The following HDAC9 variants were observed in gnomAD, a reference collection of about 807,000 sequenced individuals.
The protein encoded by HDAC9 is histone deacetylase 9.
HDAC9 carries 41 observed loss-of-function variants against 139.4 expected under a neutral mutation model. That is an observed-to-expected ratio of 0.29 (90% CI 0.23 to 0.38). The LOEUF is 0.38. Ranked by LOEUF, HDAC9 falls within the 10% of genes least tolerant of loss-of-function variation. The probability of loss-of-function intolerance (pLI) is 1.00; values close to 1 mark genes in which losing one functional copy is unlikely to be tolerated. For missense variants in HDAC9, 1,147 were observed against 1,297.0 expected (o/e 0.88, Z 1.78); for synonymous variants, 517 against 476.2 (o/e 1.09, Z -1.12).
chr7:18,906,001 CTT>C (rs926839495), intron 22 of HDAC9, among the ~76,000 whole-genome samples: 38 of 149,744 alleles, frequency 2.5e-4, no homozygotes, highest in African/African-American at 8.4e-4. Context: ...CTCTCTCTCT[CTT>C]TATTTTTTCT....
chr7:18,685,263 G>T (rs981781975), intron 12 of HDAC9, among the ~76,000 whole-genome samples: 6 of 152,012 alleles, frequency 3.9e-5, no homozygotes, highest in Non-Finnish European at 8.8e-5. Context: ...TCCATTGTGT[G>T]TTCTAACTAT....
chr7:18,175,768 A>AACCC (rs1788844101), intron 2 of HDAC9, among the ~76,000 whole-genome samples: 6 of 112,726 alleles, frequency 5.3e-5, no homozygotes, highest in Non-Finnish European at 9.2e-5. Flanking sequence ...ATTATTTTTA[A>AACCC]CCCCCCCCCC....
chr7:18,824,983 A>G (rs1026744691), intron 17 of HDAC9, among the ~76,000 whole-genome samples: 5 of 152,366 alleles, frequency 3.3e-5, no homozygotes, highest in East Asian at 1.9e-4. Context: ...AGAAGGTGCC[A>G]TTAAAGAGAA....
chr7:18,783,350 C>G lies in HDAC9; in HGVS notation c.2215-9995C>G, dbSNP rs146811332. 1.1e-3 allele frequency among the ~76,000 whole-genome samples: 164 copies of G among 152,136 alleles called. 1 individual carries two copies. Among genetic ancestry groups the G allele is most frequent in the African/African-American group, 3.6e-3 (148 of 41,528 alleles). On this transcript the variant is annotated intron_variant, in intron 16 of 25. Transcript: ENST00000686413. ...TCTCAAATTATTATGTGGTAAGGGG[C>G]AAGGTTTTGTTTACTTACATTTCAT...
At chr7:18,794,203 G>A (rs2588622) in intron 17 of HDAC9, among the ~76,000 whole-genome samples, 4,538 of 152,288 alleles carry the variant, frequency 0.03, 232 homozygotes, top group African/African-American at 0.1. Context: ...TAATGCACTA[G>A]TTCACACACT....
intron 2 of HDAC9, among the ~76,000 whole-genome samples, chr7:18,259,619 C>T (rs974998916): frequency 6.6e-6 from 1 of 152,174 alleles, no homozygotes; most frequent in African/African-American, 2.4e-5. Flanking sequence ...CCTACCTCAG[C>T]CTCCCAAAGT....
At chr7:18,995,999 C>CTGAT (rs767541735) in intron 25 of HDAC9, 24 bp from the exon 26 acceptor site, 3 of 1,579,780 alleles carry the variant, frequency 1.9e-6, no homozygotes, top group African/African-American at 1.3e-5. Flanking sequence ...ATGCCGTATT[C>CTGAT]TGATTGCCTG....
At chr7:18,188,605 A>G (rs1217509549) in intron 2 of HDAC9, among the ~76,000 whole-genome samples, 1 of 152,224 alleles carries the variant, frequency 6.6e-6, no homozygotes, top group African/African-American at 2.4e-5. Context: ...CATCTGACAA[A>G]GGTCTAATAT....
intron 12 of HDAC9, among the ~76,000 whole-genome samples, chr7:18,725,078 A>G (rs188237889): frequency 9.2e-5 from 14 of 152,272 alleles, no homozygotes; most frequent in African/African-American, 3.4e-4. Context: ...AGAAGCATGA[A>G]TGTTCATGGT....
chr7:18,626,242 C>A (rs1841678889), intron 6 of HDAC9, among the ~76,000 whole-genome samples: 1 of 152,068 alleles, frequency 6.6e-6, no homozygotes, highest in African/African-American at 2.4e-5. Context: ...GAGACATAGC[C>A]ATGGCCAGTT....
At chr7:18,159,422 C>G (rs565119851) in intron 1 of HDAC9, among the ~76,000 whole-genome samples, 2 of 152,250 alleles carry the variant, frequency 1.3e-5, no homozygotes, top group African/African-American at 4.8e-5. Flanking sequence ...AATAAGTTCC[C>G]TATTGTCATC....
intron 23 of HDAC9, among the ~76,000 whole-genome samples, chr7:18,945,437 T>A (rs1383285927): frequency 6.6e-6 from 1 of 152,234 alleles, no homozygotes; most frequent in Non-Finnish European, 1.5e-5. Context: ...AAATATCTTG[T>A]CTTTTCACCG....
intron 21 of HDAC9, among the ~76,000 whole-genome samples, chr7:18,858,678 A>T (rs1368335191): frequency 6.6e-6 from 1 of 152,170 alleles, no homozygotes; most frequent in Admixed American, 6.6e-5. Context: ...CCATAGTCTA[A>T]CTAGTCAGAG....
At chr7:18,718,147 C>G (rs923354417) in intron 12 of HDAC9, among the ~76,000 whole-genome samples, 1 of 152,170 alleles carries the variant, frequency 6.6e-6, no homozygotes, top group Non-Finnish European at 1.5e-5. Context: ...CAACCCTAGG[C>G]AACCACTAGT....
At chr7:18,278,895 C>G (rs1349629806) in intron 2 of HDAC9, among the ~76,000 whole-genome samples, 1 of 152,086 alleles carries the variant, frequency 6.6e-6, no homozygotes, top group Non-Finnish European at 1.5e-5. Context: ...ATTGAACATT[C>G]TATAACAAGA....
intron 22 of HDAC9, among the ~76,000 whole-genome samples, chr7:18,927,707 G>A (rs749050670): frequency 2.0e-5 from 3 of 152,180 alleles, no homozygotes; most frequent in African/African-American, 2.4e-5. Flanking sequence ...TAATAAATGA[G>A]TAAATTGGTA....
intron 21 of HDAC9, among the ~76,000 whole-genome samples, chr7:18,859,213 A>G (rs575357837): frequency 6.6e-6 from 1 of 152,188 alleles, no homozygotes; most frequent in Non-Finnish European, 1.5e-5. Context: ...TCTTAACTTC[A>G]TGCCTGGCAC....
At chr7:18,472,932 G>T (rs1794832587) in intron 1 of HDAC9, among the ~76,000 whole-genome samples, 1 of 152,182 alleles carries the variant, frequency 6.6e-6, no homozygotes, top group African/African-American at 2.4e-5. Flanking sequence ...TTGTAAAAAT[G>T]AATGAATTAA....
chr7:18,413,675 A>G lies in HDAC9; in HGVS notation c.-41-82587A>G, dbSNP rs890371362. Among the ~76,000 whole-genome samples, 6 of 152,180 alleles carry G rather than the reference A, an allele frequency of 3.9e-5. 1 individual carries two copies. The highest frequency in any genetic ancestry group is 3.9e-4 in the Admixed American group (6 of 15,282). ...TAGACAAAATTTTTGAATTAATTGTATACATAGAGGAATAGATAATAAAAG... is the reference window on the plus strand; with the variant it reads ...TAGACAAAATTTTTGAATTAATTGTGTACATAGAGGAATAGATAATAAAAG... On this transcript the variant is annotated intron_variant, in intron 1 of 3. Coordinates refer to the HDAC9 transcript ENST00000413509.
Sources: allele counts gnomAD v4.1 joint callset (sites outside exome capture counted in the v4.1 genomes callset), GRCh38; gene constraint gnomAD v4.1.1; transcripts MANE v1.5; gene names NCBI Gene and HGNC (gene_info 2026-07-23, HGNC 2026-07-21).